PFDN2: variants seen among roughly 807,000 people sequenced by gnomAD.
The protein encoded by PFDN2 is prefoldin subunit 2, also known as prefoldin 2.
PFDN2 carries 7 observed loss-of-function variants against 18.3 expected under a neutral mutation model. The observed-to-expected ratio is 0.38, with a 90% confidence interval of 0.22 to 0.72. PFDN2 has a LOEUF of 0.72. Among genes scored for constraint, PFDN2 ranks in the 30% least tolerant of loss-of-function variants. The probability of loss-of-function intolerance (pLI) is 0.47; values close to 1 mark genes in which losing one functional copy is unlikely to be tolerated. For missense variants in PFDN2, 181 were observed against 199.1 expected (o/e 0.91, Z 0.55); for synonymous variants, 76 against 75.0 (o/e 1.01, Z -0.07).
intron 1 of PFDN2, among the ~76,000 whole-genome samples, chr1:161,116,504 C>T (rs1571191258): frequency 1.3e-5 from 2 of 152,008 alleles, no homozygotes; most frequent in African/African-American, 2.4e-5. Context: ...ACAGAGACTC[C>T]GTCTCAACAA....
At chr1:161,107,889 G>A (rs1366488374) in intron 1 of PFDN2, among the ~76,000 whole-genome samples, 98 of 134,058 alleles carry the variant, frequency 7.3e-4, no homozygotes, top group African/African-American at 2.0e-3. Context: ...CAAAGCGGGC[G>A]GATCACCTGA....
At chr1:161,104,802 CA>C (rs1318993330) in intron 1 of PFDN2, among the ~76,000 whole-genome samples, 11 of 152,080 alleles carry the variant, frequency 7.2e-5, no homozygotes, top group Non-Finnish European at 1.5e-4. Context: ...TGACCTGCAC[CA>C]CCCTTATGTC....
chr1:161,104,172 G>T (rs959520855), intron 1 of PFDN2, among the ~76,000 whole-genome samples: 1 of 152,130 alleles, frequency 6.6e-6, no homozygotes, highest in Non-Finnish European at 1.5e-5. Context: ...ACTGCATAAG[G>T]TTGTTGTATC....
At chr1:161,111,133 C>T (rs1654800089) in intron 1 of PFDN2, among the ~76,000 whole-genome samples, 1 of 151,970 alleles carries the variant, frequency 6.6e-6, no homozygotes, top group African/African-American at 2.4e-5. Flanking sequence ...AGCCACTGCG[C>T]CCAGCCCGAG....
chr1:161,105,739 G>A (rs907967152), intron 1 of PFDN2, among the ~76,000 whole-genome samples: 12 of 152,142 alleles, frequency 7.9e-5, no homozygotes, highest in Non-Finnish European at 1.8e-4. Context: ...GATTACAGGC[G>A]TGAGCCACTG....
At chr1:161,105,070 A>T (rs1406742541) in intron 1 of PFDN2, among the ~76,000 whole-genome samples, 2 of 152,190 alleles carry the variant, frequency 1.3e-5, no homozygotes, top group Non-Finnish European at 2.9e-5. Flanking sequence ...TCTAAAAAAA[A>T]ATTATGACTA....
intron 1 of PFDN2, among the ~76,000 whole-genome samples, chr1:161,111,615 GAACT>G (rs1353686563): frequency 1.3e-5 from 2 of 152,160 alleles, no homozygotes; most frequent in African/African-American, 4.8e-5. Context: ...GTAACAATGA[GAACT>G]AACTGAGATA....
chr1:161,107,120 T>C (rs1165798540), intron 1 of PFDN2, among the ~76,000 whole-genome samples: 1 of 152,162 alleles, frequency 6.6e-6, no homozygotes, highest in East Asian at 1.9e-4. Flanking sequence ...CCTATTGATA[T>C]ATTTTTAAAA....
Position 161,100,830 on chromosome 1 carries a change from C to T in PFDN2, c.318G>A (p.Gln106=). 6.2e-7 allele frequency: 1 copy of T among 1,613,766 alleles called. No individual in the cohort carries two copies. The highest frequency in any genetic ancestry group is 2.2e-5 in the East Asian group (1 of 44,892). Residue 106 remains glutamine, a synonymous_variant, in exon 4 of 4, where the codon CAG becomes CAA. Coordinates refer to ENST00000368010, the MANE Select transcript of PFDN2 (RefSeq NM_012394.4). ...QIQKIIETLT[Q]QLQAKGKELN... ...GTTCTTTTCCCTTTGCCTGAAGCTG[C>T]TGTGTCAGTGTCTCAATGATCTTCT...
At chr1:161,107,585 C>T (rs535829312) in intron 1 of PFDN2, among the ~76,000 whole-genome samples, 94 of 152,200 alleles carry the variant, frequency 6.2e-4, no homozygotes, top group African/African-American at 2.1e-3. Context: ...TAGGCCAAGG[C>T]GGGCAGATTA....
At chr1:161,107,885 G>A (rs1048902872) in intron 1 of PFDN2, among the ~76,000 whole-genome samples, 24 of 149,530 alleles carry the variant, frequency 1.6e-4, no homozygotes, top group Non-Finnish European at 2.8e-4. Context: ...AGGCCAAAGC[G>A]GGCGGATCAC....
chr1:161,101,836 C>G (rs7550614), intron 3 of PFDN2, among the ~76,000 whole-genome samples: 3,705 of 152,286 alleles, frequency 0.024, 68 homozygotes, highest in African/African-American at 0.041. Context: ...TCACTGAAGC[C>G]TCGACATTTT....
chr1:161,110,303 A>G (rs1654778520), intron 1 of PFDN2, among the ~76,000 whole-genome samples: 2 of 148,678 alleles, frequency 1.3e-5, no homozygotes, highest in South Asian at 2.2e-4. Context: ...GGGGGTTGCA[A>G]TGAGCCAACA....
Position 161,108,120 on chromosome 1 carries a change from AAAAAAC to A in PFDN2, c.76-5751_76-5746del, listed in dbSNP as rs1190940775. Among the ~76,000 whole-genome samples, 169 of 150,158 alleles carry A rather than the reference AAAAAAC, an allele frequency of 1.1e-3. 1 individual carries two copies. The highest frequency in any genetic ancestry group is 3.5e-3 in the African/African-American group (144 of 41,120). On this transcript the variant is annotated intron_variant, in intron 1 of 3. Coordinates refer to ENST00000368010, the MANE Select transcript of PFDN2 (RefSeq NM_012394.4). ...ACAGAGCGAGACTCTGTCTCAAAAAAAAAAACAAAAACAAAAACAAAAATAAAAATT... is the reference window on the plus strand; with the variant it reads ...ACAGAGCGAGACTCTGTCTCAAAAAAAAAAACAAAAACAAAAATAAAAATT...
rs1168177698 is a variant in PFDN2, at chr1:161,102,033, A to T, written c.288+15T>A. The stretch of plus-strand genomic sequence containing the variant: ...CAGCCACTGTACCCGATCCTATTCA[A>T]TGATTCTTGCTCACCTGCTCCTTGT... On this transcript the variant is annotated intron_variant, in intron 3 of 3. Transcript: ENST00000368010. 6.2e-7 allele frequency: 1 copy of T among 1,613,948 alleles called. No individual in the cohort carries two copies. Among genetic ancestry groups the T allele is most frequent in the Non-Finnish European group, 8.5e-7 (1 of 1,179,990 alleles).
At chr1:161,102,760 C>T (rs757010644) in intron 1 of PFDN2, among the ~76,000 whole-genome samples, 5 of 151,948 alleles carry the variant, frequency 3.3e-5, no homozygotes, top group Non-Finnish European at 5.9e-5. Flanking sequence ...GAAATTGAGA[C>T]CATCCTGGCC....
chr1:161,101,897 A>C, intron 3 of PFDN2, 151 bp downstream of exon 3: 1 of 729,982 alleles, frequency 1.4e-6, no homozygotes, highest in Non-Finnish European at 2.2e-6. Flanking sequence ...ATACCCAGCT[A>C]ATCTTTTGTA....
intron 1 of PFDN2, among the ~76,000 whole-genome samples, chr1:161,108,948 C>A (rs964909020): frequency 2.0e-5 from 3 of 152,152 alleles, no homozygotes; most frequent in Non-Finnish European, 2.9e-5. Context: ...TATACTGCCT[C>A]CTGATTTGCC....
At chr1:161,116,623 C>CA (rs1654934865) in intron 1 of PFDN2, among the ~76,000 whole-genome samples, 1 of 152,194 alleles carries the variant, frequency 6.6e-6, no homozygotes, top group African/African-American at 2.4e-5. Flanking sequence ...TCTTCTGCCT[C>CA]ATATGAGCAT....
Sources: gnomAD v4.1 joint callset for allele counts (sites outside exome capture counted in the v4.1 genomes callset) on GRCh38, gnomAD v4.1.1 for gene constraint, MANE v1.5 for transcripts, NCBI Gene and HGNC (gene_info 2026-07-23, HGNC 2026-07-21) for gene names.